HEATR4: variants seen among roughly 807,000 people sequenced by gnomAD.
HEATR4 encodes HEAT repeat-containing protein 4.
HEATR4 carries 95 observed loss-of-function variants against 108.8 expected under a neutral mutation model. The observed-to-expected ratio is 0.87, with a 90% confidence interval of 0.74 to 1.04. The LOEUF is 1.04. HEATR4 is among the 50% of genes least tolerant of loss of function. The probability of loss-of-function intolerance (pLI) is 0.00; values close to 1 mark genes in which losing one functional copy is unlikely to be tolerated. For synonymous variants in HEATR4, 443 were observed against 459.4 expected, an observed-to-expected ratio of 0.96 and a Z score of 0.46; for missense variants, 1,152 against 1,253.8, an observed-to-expected ratio of 0.92 and a Z score of 1.23.
the HEATR4 span, among the ~76,000 whole-genome samples, chr14:73,589,801 T>C: frequency 2.6e-5 from 4 of 152,128 alleles, no homozygotes; most frequent in Admixed American, 6.6e-5. Flanking sequence ...GTCTGGAGAT[T>C]GTACCTTCTG....
intron 17 of HEATR4, chr14:73,491,712 G>C: frequency 6.4e-7 from 1 of 1,550,620 alleles, no homozygotes; most frequent in Non-Finnish European, 8.7e-7. Flanking sequence ...CTGGTGCGGC[G>C]GCAGGACCAC....
At chr14:73,603,547 G>T in the HEATR4 span, among the ~76,000 whole-genome samples, 2 of 151,818 alleles carry the variant, frequency 1.3e-5, no homozygotes, top group African/African-American at 2.4e-5. Flanking sequence ...TATAGACAGG[G>T]TTTCACCATG....
At chr14:73,579,983 A>G in the HEATR4 span, among the ~76,000 whole-genome samples, 1 of 152,060 alleles carries the variant, frequency 6.6e-6, no homozygotes, top group East Asian at 1.9e-4. Context: ...CTGTAGTCCC[A>G]GCTACTTGGG....
chr14:73,588,549 T>C, the HEATR4 span, among the ~76,000 whole-genome samples: 1 of 152,166 alleles, frequency 6.6e-6, no homozygotes, highest in African/African-American at 2.4e-5. Flanking sequence ...ACTTCAACAT[T>C]CGATGACAGG....
chr14:73,588,824 A>G, the HEATR4 span, among the ~76,000 whole-genome samples: 1 of 151,928 alleles, frequency 6.6e-6, no homozygotes, highest in Non-Finnish European at 1.5e-5. Flanking sequence ...TTAAAAAAAA[A>G]TTAAGGAACA....
At chr14:73,589,718 G>T in the HEATR4 span, among the ~76,000 whole-genome samples, 1 of 152,112 alleles carries the variant, frequency 6.6e-6, no homozygotes, top group Non-Finnish European at 1.5e-5. Context: ...TTCCAGACTG[G>T]TCTTGGTCTC....
the HEATR4 span, chr14:73,595,805 G>A: frequency 4.8e-4 from 476 of 991,388 alleles, no homozygotes; most frequent in African/African-American, 7.2e-3. Flanking sequence ...AAGCTTTGTC[G>A]TTAGTTTTAC....
chr14:73,602,017 C>T, the HEATR4 span, among the ~76,000 whole-genome samples: 2 of 151,570 alleles, frequency 1.3e-5, no homozygotes, highest in African/African-American at 4.8e-5. Context: ...CTCGGCTCAC[C>T]ACAACCTCCA....
the HEATR4 span, among the ~76,000 whole-genome samples, chr14:73,606,172 CA>C: frequency 6.6e-6 from 1 of 152,062 alleles, no homozygotes; most frequent in South Asian, 2.1e-4. Flanking sequence ...GCCTGACCAA[CA>C]TGGAGAAAAC....
At chr14:73,612,001 T>A in the HEATR4 span, among the ~76,000 whole-genome samples, 12 of 152,284 alleles carry the variant, frequency 7.9e-5, no homozygotes, top group African/African-American at 2.9e-4. Context: ...TGTGCCTCTA[T>A]TTCGACACTC....
intron 3 of HEATR4, among the ~76,000 whole-genome samples, chr14:73,521,302 G>C (rs1229539213): frequency 6.6e-6 from 1 of 152,178 alleles, no homozygotes; most frequent in African/African-American, 2.4e-5. Context: ...GCAGGGCAGA[G>C]TGGCGGTGCT....
the HEATR4 span, among the ~76,000 whole-genome samples, chr14:73,632,612 G>C: frequency 6.6e-6 from 1 of 152,080 alleles, no homozygotes; most frequent in East Asian, 1.9e-4. Context: ...GGGAGGCCAA[G>C]GCAGGGGGAT....
At chr14:73,506,824 T>TTTTTTTTTTTTTG (rs1886885830) in intron 9 of HEATR4, among the ~76,000 whole-genome samples, 1 of 134,346 alleles carries the variant, frequency 7.4e-6, no homozygotes, top group African/African-American at 3.3e-5. Flanking sequence ...TTTTTTTTTT[T>TTTTTTTTTTTTTG]TCTGAGAAGG....
At chr14:73,603,741 CTTT>C in the HEATR4 span, among the ~76,000 whole-genome samples, 1 of 113,230 alleles carries the variant, frequency 8.8e-6, no homozygotes, top group South Asian at 2.8e-4. Flanking sequence ...CTTTTCTTTT[CTTT>C]TTTTTTTTTA....
chr14:73,520,920 T>C lies in HEATR4; in HGVS notation c.1001A>G (p.Gln334Arg). 6.2e-7 allele frequency: 1 copy of C among 1,614,082 alleles called. No homozygotes were observed. The highest frequency in any genetic ancestry group is 8.5e-7 in the Non-Finnish European group (1 of 1,180,016). Residue 334 changes from glutamine to arginine, a missense_variant, in exon 4 of 18, where the codon CAG becomes CGG. Physicochemically the swap from Gln to Arg is conservative, Grantham distance 43. Transcript: ENST00000553558. ...AAACTTTCCAGCTCGGGGAGTCACCTGGCGAAAGTAGCTCTGGGTTTGGGG... is the reference window on the plus strand; with the variant it reads ...AAACTTTCCAGCTCGGGGAGTCACCCGGCGAAAGTAGCTCTGGGTTTGGGG... ...SQPQTQSYFRQVTPRAGKFAY... is the reference protein window; with the variant it reads ...SQPQTQSYFRRVTPRAGKFAY...
At chr14:73,613,038 C>A in the HEATR4 span, 9 of 785,022 alleles carry the variant, frequency 1.1e-5, no homozygotes, top group South Asian at 1.7e-4. Flanking sequence ...GATGAGTAGT[C>A]TGCCCAGAAT....
chr14:73,569,518 C>T, the HEATR4 span: 5 of 1,609,034 alleles, frequency 3.1e-6, no homozygotes, highest in East Asian at 2.2e-5. Context: ...CCGGAGCAGC[C>T]GGTCACGCTG....
the HEATR4 span, among the ~76,000 whole-genome samples, chr14:73,574,576 C>T: frequency 6.6e-6 from 1 of 151,846 alleles, no homozygotes; most frequent in East Asian, 1.9e-4. Context: ...AGATGATGTA[C>T]TTGTTGATGA....
Position 73,522,321 on chromosome 14 carries a change from G to A in HEATR4, c.832C>T (p.Pro278Ser). 3.7e-6 allele frequency: 6 copies of A among 1,614,218 alleles called. No individual in the cohort carries two copies. Among genetic ancestry groups the A allele is most frequent in the Non-Finnish European group, 4.2e-6 (5 of 1,180,036 alleles). Reference sequence around the variant, plus strand: ...TCTGGCTTCTTCTTTTCCTGTGGGGGCAGGATGACACTTTGATCCTCAAAC... The same window carrying A: ...TCTGGCTTCTTCTTTTCCTGTGGGGACAGGATGACACTTTGATCCTCAAAC... ...AEFEDQSVIL[P>S]PQEKKKPELL... is the part of the protein sequence containing the mutation. Residue 278 changes from proline (P) to serine (S), a missense_variant, in exon 3 of 18, where the codon CCC (proline) becomes TCC (serine). Transcript: ENST00000553558.
Sources: gnomAD v4.1 joint callset for allele counts (sites outside exome capture counted in the v4.1 genomes callset) on GRCh38, gnomAD v4.1.1 for gene constraint, MANE v1.5 for transcripts, NCBI Gene and HGNC (gene_info 2026-07-23, HGNC 2026-07-21) for gene names.